The following ARLN variants were observed in gnomAD, a reference collection of about 807,000 sequenced individuals.
ARLN encodes the protein allregulin, also known as sarcoplasmic/endoplasmic reticulum calcium ATPase regulator ARLN.
the ARLN span, chr4:119,300,910 G>T: frequency 9.6e-7 from 1 of 1,042,822 alleles, no homozygotes; most frequent in Non-Finnish European, 1.3e-6. Flanking sequence ...ACTGCACGAG[G>T]TCACCTCTCC....
At chr4:119,298,891 G>A in the ARLN span, 1 of 631,726 alleles carries the variant, frequency 1.6e-6, no homozygotes, top group South Asian at 2.0e-5. Flanking sequence ...TTCTTGTAAG[G>A]CCTCTATTTT....
chr4:119,300,718 GC>G, the ARLN span: 1 of 1,525,082 alleles, frequency 6.6e-7, no homozygotes, highest in Admixed American at 2.0e-5. Flanking sequence ...TCGGCTTTCC[GC>G]TGCCTCCGTG....
chr4:119,300,721 G>T, the ARLN span: 6 of 1,524,712 alleles, frequency 3.9e-6, no homozygotes, highest in Middle Eastern at 5.1e-4. Context: ...GCTTTCCGCT[G>T]CCTCCGTGAC....
chr4:119,300,665 A>G, the ARLN span: 1 of 1,551,698 alleles, frequency 6.4e-7, no homozygotes. Flanking sequence ...CGGGTTCCGG[A>G]ATGCACTCTG....
At chr4:119,299,541 AC>A in the ARLN span, among the ~76,000 whole-genome samples, 2 of 152,092 alleles carry the variant, frequency 1.3e-5, no homozygotes, top group Non-Finnish European at 2.9e-5. Context: ...GTCTCTTAAC[AC>A]CATCTCCATT....
At chr4:119,296,500 C>G in the ARLN span, 1 of 152,158 alleles carries the variant, frequency 6.6e-6, no homozygotes, top group Admixed American at 6.5e-5. Context: ...TTTCCGCAGA[C>G]AGTAAGCCCA....
chr4:119,301,540 C>T, the ARLN span, among the ~76,000 whole-genome samples: 1 of 152,068 alleles, frequency 6.6e-6, no homozygotes. Flanking sequence ...TGGATTTTAC[C>T]TCGTGGGTCC....
At chr4:119,304,370 T>G in the ARLN span, 2 of 1,536,970 alleles carry the variant, frequency 1.3e-6, no homozygotes, top group Non-Finnish European at 1.7e-6. Context: ...TTTTTTGCCT[T>G]CCTTTGGCAC....
the ARLN span, chr4:119,297,920 GC>G: frequency 6.6e-6 from 1 of 152,596 alleles, no homozygotes; most frequent in African/African-American, 2.4e-5. Flanking sequence ...AGGCAAGAAT[GC>G]CTTTTTGTTT....
the ARLN span, among the ~76,000 whole-genome samples, chr4:119,299,279 C>A: frequency 1.3e-5 from 2 of 152,266 alleles, no homozygotes; most frequent in South Asian, 2.1e-4. Context: ...CTTACTACAC[C>A]ATCCAAGAAA....
chr4:119,300,300 T>G, the ARLN span: 5 of 1,544,056 alleles, frequency 3.2e-6, no homozygotes, highest in East Asian at 4.5e-5. Flanking sequence ...ATCTCTAAGC[T>G]CCTTACCACC....
At chr4:119,301,400 C>T in the ARLN span, among the ~76,000 whole-genome samples, 1 of 151,870 alleles carries the variant, frequency 6.6e-6, no homozygotes, top group South Asian at 2.1e-4. Context: ...GCACTCCAGC[C>T]TGGGCAACAG....
the ARLN span, chr4:119,300,729 G>T: frequency 6.6e-7 from 1 of 1,520,212 alleles, no homozygotes; most frequent in Non-Finnish European, 8.8e-7. Context: ...CTGCCTCCGT[G>T]ACCGCTGGCA....
At chr4:119,300,929 T>C in the ARLN span, 1 of 910,542 alleles carries the variant, frequency 1.1e-6, no homozygotes. Flanking sequence ...CCTATCCCCG[T>C]ATTCCGTTTG....
the ARLN span, chr4:119,300,913 A>T: frequency 9.9e-7 from 1 of 1,011,338 alleles, no homozygotes; most frequent in Admixed American, 3.0e-5. Context: ...GCACGAGGTC[A>T]CCTCTCCTAT....
the ARLN span, chr4:119,304,140 C>A: frequency 2.7e-6 from 2 of 746,188 alleles, no homozygotes; most frequent in Non-Finnish European, 4.3e-6. Context: ...TCTCACCTGT[C>A]CAAATCCTAC....
the ARLN span, chr4:119,300,629 G>C: frequency 1.9e-6 from 3 of 1,589,080 alleles, no homozygotes; most frequent in African/African-American, 2.7e-5. Context: ...AGCGGAGTCC[G>C]GCCGCCTGCG....
the ARLN span, chr4:119,298,814 T>A: frequency 2.6e-6 from 2 of 771,358 alleles, no homozygotes; most frequent in South Asian, 2.8e-5. Context: ...CAATATGTGC[T>A]TTATCTTCCC....
chr4:119,297,222 A>G, the ARLN span: 1 of 152,246 alleles, frequency 6.6e-6, no homozygotes. Context: ...CCTTAAAAGC[A>G]TAATTGCTAA....
Sources: allele counts gnomAD v4.1 joint callset (sites outside exome capture counted in the v4.1 genomes callset), GRCh38; gene constraint gnomAD v4.1.1; transcripts MANE v1.5; gene names NCBI Gene and HGNC (gene_info 2026-07-23, HGNC 2026-07-21).